Variants in PRKD2 observed in about 807,000 individuals in gnomAD.
The protein encoded by PRKD2 is protein kinase D2, also known as serine/threonine-protein kinase D2.
Under a neutral mutation model 86.0 loss-of-function variants are expected in PRKD2, and 22 were observed. That is an observed-to-expected ratio of 0.26 (90% CI 0.18 to 0.37). The LOEUF (loss-of-function observed/expected upper bound fraction) is 0.37. Among genes scored for constraint, PRKD2 ranks in the 10% least tolerant of loss-of-function variants. The pLI is 1.00. For missense variants in PRKD2, 818 were observed against 1,199.2 expected, an observed-to-expected ratio of 0.68 and a Z score of 4.70; for synonymous variants, 509 against 510.9, an observed-to-expected ratio of 1.00 and a Z score of 0.05.
At chr19:46,676,257 T>C (rs1213700264) in intron 16 of PRKD2, among the ~76,000 whole-genome samples, 3 of 151,750 alleles carry the variant, frequency 2.0e-5, no homozygotes, top group Non-Finnish European at 2.9e-5. Context: ...GGAAACCCCG[T>C]CTCTACTAAA....
In PRKD2 at chr19:46,674,648, C is replaced by T; in HGVS notation, c.2512G>A (p.Glu838Lys). The T allele has an allele frequency of 6.2e-7, 1 of 1,607,622 alleles. No homozygotes were observed. Among genetic ancestry groups the T allele is most frequent in the Non-Finnish European group, 8.5e-7 (1 of 1,179,940 alleles). Residue 838 changes from glutamate (E) to lysine (K), a missense_variant, in exon 18 of 18, where the codon GAG becomes AAG. Glu to Lys is a moderately conservative substitution (Grantham distance 56). This residue lies in a region of PRKD2 where 132 missense variants were observed against 146.2 expected (regional missense o/e 0.90). Transcript: ENST00000291281. ...ITHESDDARW[E>K]QFAAEHPLPG... is the part of the protein sequence containing the mutation. ...AGCGGATGCTCTGCTGCAAACTGCT[C>T]CCAGCGCGCGTCGTCACTCTCATGC...
chr19:46,707,093 C>T lies in PRKD2; in HGVS notation c.512-2444G>A, dbSNP rs142378523. Among the ~76,000 whole-genome samples the T allele has an allele frequency of 1.8e-3, 281 of 152,072 alleles. 1 individual carries two copies. The highest frequency in any genetic ancestry group is 6.1e-3 in the African/African-American group (253 of 41,524). On this transcript the variant is annotated intron_variant, in intron 3 of 17. Coordinates refer to ENST00000291281, the MANE Select transcript of PRKD2 (RefSeq NM_016457.5). ...AGTTTTAGTAGAGACAGGGTTTCAC[C>T]ATGTTGGCCAGGCTGGTCTCTAACT...
In PRKD2 at chr19:46,704,407, A is replaced by G; in HGVS notation, c.667-16T>C. 6.2e-7 allele frequency: 1 copy of G among 1,613,886 alleles called. No homozygotes were observed. Among genetic ancestry groups the G allele is most frequent in the Non-Finnish European group, 8.5e-7 (1 of 1,179,978 alleles). On this transcript the variant is annotated splice_polypyrimidine_tract_variant and intron_variant, in intron 4 of 17. Coordinates refer to ENST00000291281, the MANE Select transcript of PRKD2 (RefSeq NM_016457.5). ...TGCTACGGCTCTGTCGTTGGCAAGA[A>G]TGGAGGGGACACATCAGTGCGTTGG...
chr19:46,684,083 T>C (rs1235417860), intron 14 of PRKD2, among the ~76,000 whole-genome samples: 1 of 152,196 alleles, frequency 6.6e-6, no homozygotes, highest in Non-Finnish European at 1.5e-5. Context: ...TGTGTATCTG[T>C]CTCAGAGTTT....
chr19:46,704,507 C>T lies in PRKD2; in HGVS notation c.654G>A (p.Thr218=), dbSNP rs1372369932. Reference sequence around the variant, plus strand: ...CCCATCTCCTCACCAGCTCTTCAGCCGTGCAGGGCAGGGACTCGGAGGTGC... The same window carrying T: ...CCCATCTCCTCACCAGCTCTTCAGCTGTGCAGGGCAGGGACTCGGAGGTGC... ...RLGTSESLPC[T]AEELSRSTTE... Residue 218 remains threonine, a synonymous_variant, in exon 4 of 18, where the codon ACG becomes ACA. Coordinates refer to ENST00000291281, the MANE Select transcript of PRKD2 (RefSeq NM_016457.5). 5.0e-6 allele frequency: 8 copies of T among 1,614,030 alleles called. No homozygotes were observed. Among genetic ancestry groups the T allele is most frequent in the South Asian group, 2.2e-5 (2 of 91,094 alleles).
At chr19:46,692,603 C>T (rs2053499698) in intron 10 of PRKD2, among the ~76,000 whole-genome samples, 1 of 151,676 alleles carries the variant, frequency 6.6e-6, no homozygotes. Context: ...TGACCCTGTC[C>T]CTCCTCTGCT....
rs117052447 is a variant in PRKD2, at chr19:46,681,734, C to T, written c.1986G>A (p.Leu662=). 1,930 of 1,612,334 alleles carry T rather than the reference C, an allele frequency of 1.2e-3. 24 individuals carry two copies. The East Asian group carries it at 0.029, about 24-fold the overall frequency. Residue 662 remains leucine (L), a synonymous_variant, in exon 15 of 18, where the codon TTG becomes TTA. Coordinates refer to ENST00000291281, the MANE Select transcript of PRKD2 (RefSeq NM_016457.5). ...CAATGTTCTTGAAGTGAAGGTGTCT[C>T]AAAGCCACCAGGATCTGAGGGGAGC... The part of the protein sequence containing the change: ...KFLITQILVA[L]RHLHFKNIVH...
At position 46,710,822 on chromosome 19, in the gene PRKD2, C is replaced by G. The variant is rs1226531732; in HGVS notation, c.511+85G>C. 20 of 1,390,290 alleles carry G rather than the reference C, an allele frequency of 1.4e-5. No individual in the cohort carries two copies. The South Asian group carries it at 2.3e-4, about 16-fold the overall frequency. 86.1% of individuals were successfully genotyped at this position (1,390,290 alleles called of 1,614,324 possible). The stretch of plus-strand genomic sequence containing the variant: ...CTCTGAGACCCGCTCCTCCTCCCCA[C>G]GCTGTCCCCGTGCCAGGACCATTAC... On this transcript the variant is annotated intron_variant, in intron 3 of 17. Coordinates refer to ENST00000291281, the MANE Select transcript of PRKD2 (RefSeq NM_016457.5).
intron 16 of PRKD2, 52 bp from the exon 17 acceptor site, chr19:46,675,170 C>T (rs374007727): frequency 4.0e-6 from 6 of 1,489,452 alleles, no homozygotes; most frequent in African/African-American, 2.8e-5. Flanking sequence ...GGTCACTCCT[C>T]CTCCAATAGG....
intron 14 of PRKD2, among the ~76,000 whole-genome samples, 195 bp downstream of exon 14, chr19:46,689,342 C>T (rs1323688598): frequency 6.6e-6 from 1 of 151,982 alleles, no homozygotes; most frequent in Non-Finnish European, 1.5e-5. Context: ...AGGATGGTTT[C>T]GATCTCCTGA....
In PRKD2 at chr19:46,710,934, G is replaced by A; in HGVS notation, c.484C>T (p.Leu162=). 2 of 1,577,292 alleles carry A rather than the reference G, an allele frequency of 1.3e-6. No individual in the cohort carries two copies. The highest frequency in any genetic ancestry group is 1.7e-6 in the Non-Finnish European group (2 of 1,161,464). The change falls in exon 3 of 18, where the codon CTA becomes TTA. Residue 162 remains leucine (L), a synonymous_variant. Transcript: ENST00000291281. The stretch of plus-strand genomic sequence containing the variant: ...TCGCACTTGAGGCCCTGGCGCACTA[G>A]GCCGAAGAGCATCTCCCCGCAGTGA... ...CDHCGEMLFG[L]VRQGLKCDGC...
chr19:46,689,982 C>T (rs969956193), intron 13 of PRKD2, among the ~76,000 whole-genome samples: 15 of 152,000 alleles, frequency 9.9e-5, no homozygotes, highest in Non-Finnish European at 2.1e-4. Flanking sequence ...TCAAGTGATC[C>T]TCCCACCTCA....
Position 46,678,240 on chromosome 19 carries a change from T to A in PRKD2, c.2338+156A>T, listed in dbSNP as rs1212438328. 3.3e-6 allele frequency: 4 copies of A among 1,194,666 alleles called. No homozygotes were observed. The South Asian group carries it at 6.1e-5, about 18-fold the overall frequency. 74.0% of individuals were successfully genotyped at this position (1,194,666 alleles called of 1,614,324 possible). On this transcript the variant is annotated intron_variant, in intron 16 of 17. Transcript: ENST00000291281. The surrounding 1 kb of genome is among the most constrained non-coding windows in gnomAD (Gnocchi z 5.7). ...CCATCTTTTACAGGACGGCTCCTCC[T>A]GTAGCCACATCCCTCCAGTAGGCCC...
intron 16 of PRKD2, among the ~76,000 whole-genome samples, chr19:46,675,973 G>A (rs556611122): frequency 6.6e-6 from 1 of 152,042 alleles, no homozygotes; most frequent in East Asian, 1.9e-4. Context: ...TGCCCAGGCT[G>A]GTCTTGAACT....
intron 3 of PRKD2, among the ~76,000 whole-genome samples, chr19:46,705,772 G>A (rs1161792332): frequency 5.0e-5 from 7 of 140,884 alleles, no homozygotes; most frequent in African/African-American, 1.1e-4. Flanking sequence ...GGGCAATACA[G>A]CGAGACTCAG....
chr19:46,699,858 G>T lies in PRKD2; in HGVS notation c.1121+941C>A, dbSNP rs542606332. Among the ~76,000 whole-genome samples, 140 of 150,064 alleles carry T rather than the reference G, an allele frequency of 9.3e-4. 1 individual carries two copies. Among genetic ancestry groups the T allele is most frequent in the South Asian group, 6.1e-3 (29 of 4,760 alleles). ...AGAACTTTGGGAGGCTGAGGTGGGA[G>T]GATTGCTTGAGCGCAGAAGTTCAAG... On this transcript the variant is annotated intron_variant, in intron 7 of 17. Coordinates refer to ENST00000291281, the MANE Select transcript of PRKD2 (RefSeq NM_016457.5).
At chr19:46,690,797 C>G (rs1329637873) in intron 12 of PRKD2, 91 bp from the exon 13 acceptor site, 11 of 1,188,604 alleles carry the variant, frequency 9.3e-6, no homozygotes, top group African/African-American at 3.0e-5. Flanking sequence ...CTCTGCCCCC[C>G]ACCATGGAGA....
intron 8 of PRKD2, 128 bp downstream of exon 8, chr19:46,697,605 G>T: frequency 1.2e-6 from 1 of 811,494 alleles, no homozygotes; most frequent in Non-Finnish European, 2.0e-6. Flanking sequence ...CTCCAGCACG[G>T]CCCAGCCCAC....
Position 46,703,510 on chromosome 19 carries a change from G to A in PRKD2, c.889+659C>T, listed in dbSNP as rs755400915. On this transcript the variant is annotated intron_variant, in intron 5 of 17. Transcript: ENST00000291281. ...GGTGTGGCCAGGCGCGGTGGCTCAC[G>A]CCTGTAATCCCGGCATTTTGGGAGG... Among the ~76,000 whole-genome samples the A allele has an allele frequency of 2.6e-5, 4 of 151,854 alleles. No homozygotes were observed. The East Asian group carries it at 5.8e-4, about 22-fold the overall frequency.
Sources: gnomAD v4.1 joint callset for allele counts (sites outside exome capture counted in the v4.1 genomes callset) on GRCh38, gnomAD v4.1.1 for gene constraint, gnomAD v4.1.1 regional missense constraint, Gnocchi (gnomAD v3.1) non-coding constraint, MANE v1.5 for transcripts, NCBI Gene and HGNC (gene_info 2026-07-23, HGNC 2026-07-21) for gene names.